The following SHANK2 variants were observed in gnomAD, a reference collection of about 807,000 sequenced individuals.
SHANK2 encodes SH3 and multiple ankyrin repeat domains 2.
A neutral mutation model predicts 133.7 loss-of-function variants in SHANK2; 43 were observed. The observed-to-expected ratio is 0.32, with a 90% CI of 0.25 to 0.41. The LOEUF is 0.41. Ranked by LOEUF, SHANK2 falls within the 10% of genes least tolerant of loss-of-function variation. SHANK2 has a pLI of 1.00. For missense variants in SHANK2, 1,994 were observed against 2,235.8 expected (o/e 0.89, Z 2.18); for synonymous variants, 1,017 against 952.8 (o/e 1.07, Z -1.24).
At chr11:70,700,275 A>G (rs537146509) in intron 14 of SHANK2, among the ~76,000 whole-genome samples, 168 of 152,206 alleles carry the variant, frequency 1.1e-3, no homozygotes, top group Non-Finnish European at 2.1e-3. Context: ...ACTCTGTACC[A>G]GGCCCTGCTA....
chr11:70,905,440 G>T (rs116713242), intron 10 of SHANK2, among the ~76,000 whole-genome samples: 2,011 of 152,224 alleles, frequency 0.013, 43 homozygotes, highest in African/African-American at 0.045. Flanking sequence ...TCTGAATGAC[G>T]AAATGACTCT....
chr11:70,583,763 C>A (rs1018051685), intron 17 of SHANK2, among the ~76,000 whole-genome samples: 1 of 152,212 alleles, frequency 6.6e-6, no homozygotes, highest in African/African-American at 2.4e-5. Flanking sequence ...CTTTTGTCCA[C>A]CCAGTGGCCA....
In SHANK2 at chr11:70,874,258, T is replaced by C. The variant is rs78052325; in HGVS notation, c.1174+22243A>G. ...CACCCATCCAGCTATCCCTCTAATCTAATCTAATCCAATCTAATCTAATCT... is the reference window on the plus strand; with the variant it reads ...CACCCATCCAGCTATCCCTCTAATCCAATCTAATCCAATCTAATCTAATCT... On this transcript the variant is annotated intron_variant, in intron 11 of 25. Coordinates refer to ENST00000601538, the MANE Select transcript of SHANK2 (RefSeq NM_012309.5). Among the ~76,000 whole-genome samples the C allele has an allele frequency of 3.9e-5, 6 of 152,078 alleles. No homozygotes were observed. The South Asian group carries it at 1.0e-3, about 26-fold the overall frequency.
intron 17 of SHANK2, among the ~76,000 whole-genome samples, chr11:70,523,533 T>C (rs782121732): frequency 5.3e-5 from 8 of 152,170 alleles, no homozygotes; most frequent in Non-Finnish European, 1.2e-4. Flanking sequence ...CCTGCTCTGC[T>C]GGGGAGGATC....
chr11:71,133,833 A>G (rs1952382438), intron 3 of SHANK2, among the ~76,000 whole-genome samples: 1 of 152,170 alleles, frequency 6.6e-6, no homozygotes, highest in Admixed American at 6.5e-5. Context: ...CTATAATCCC[A>G]GAAGAATTTC....
At chr11:70,570,270 G>C (rs1333668019) in intron 17 of SHANK2, among the ~76,000 whole-genome samples, 1 of 152,186 alleles carries the variant, frequency 6.6e-6, no homozygotes, top group Non-Finnish European at 1.5e-5. Flanking sequence ...GGTTTACAAG[G>C]GGCCCAGGTC....
intron 14 of SHANK2, among the ~76,000 whole-genome samples, chr11:70,735,008 A>T (rs1946372266): frequency 6.6e-6 from 1 of 152,160 alleles, no homozygotes; most frequent in South Asian, 2.1e-4. Flanking sequence ...GCTGTAGCAC[A>T]TCTGTGCTCT....
chr11:70,593,140 G>A (rs1016446071), intron 17 of SHANK2, among the ~76,000 whole-genome samples: 3 of 152,176 alleles, frequency 2.0e-5, no homozygotes, highest in African/African-American at 7.2e-5. Flanking sequence ...CAACATGAAC[G>A]CACACTGTCC....
chr11:70,927,302 G>T (rs1357940543), intron 10 of SHANK2, among the ~76,000 whole-genome samples: 1 of 152,006 alleles, frequency 6.6e-6, no homozygotes, highest in African/African-American at 2.4e-5. Flanking sequence ...TTCTGAACTC[G>T]ATCTCCAGAA....
chr11:71,071,858 A>G (rs1951147446), intron 9 of SHANK2, among the ~76,000 whole-genome samples: 1 of 152,146 alleles, frequency 6.6e-6, no homozygotes, highest in Admixed American at 6.5e-5. Context: ...TGGGATGGGA[A>G]GAGAATGCTG....
chr11:70,796,157 C>T lies in SHANK2; in HGVS notation c.1777+2286G>A, dbSNP rs116944561. On this transcript the variant is annotated intron_variant, in intron 14 of 25. Transcript: ENST00000601538. ...CTGCCCTGGGTGGGGACCCTGTCAACGGGGCTAGAGAAAGCCATACGTTCT... is the reference window on the plus strand; with the variant it reads ...CTGCCCTGGGTGGGGACCCTGTCAATGGGGCTAGAGAAAGCCATACGTTCT... Among the ~76,000 whole-genome samples the T allele has an allele frequency of 8.3e-4, 126 of 152,274 alleles. No individual in the cohort carries two copies. The Middle Eastern group carries it at 0.014, about 16-fold the overall frequency.
At chr11:71,167,660 G>A (rs1423412449) in intron 2 of SHANK2, among the ~76,000 whole-genome samples, 1 of 147,988 alleles carries the variant, frequency 6.8e-6, no homozygotes, top group East Asian at 2.1e-4. Flanking sequence ...CAGCTGGCCG[G>A]GCGGGGGGCT....
chr11:71,101,610 C>T (rs963596187), intron 6 of SHANK2, among the ~76,000 whole-genome samples: 4 of 152,174 alleles, frequency 2.6e-5, no homozygotes, highest in Admixed American at 6.5e-5. Context: ...CTCACATTCC[C>T]GGGTGCCGTT....
intron 2 of SHANK2, among the ~76,000 whole-genome samples, chr11:71,167,469 T>C: frequency 7.6e-6 from 1 of 131,066 alleles, no homozygotes; most frequent in African/African-American, 3.0e-5. Flanking sequence ...GAGGGGCTCC[T>C]CACTTCCCAG....
intron 17 of SHANK2, among the ~76,000 whole-genome samples, chr11:70,637,124 GGTGCCTGTGT>G (rs2061112962): frequency 6.6e-6 from 1 of 150,446 alleles, no homozygotes; most frequent in Non-Finnish European, 1.5e-5. Flanking sequence ...CACGTGTGTG[GGTGCCTGTGT>G]GTGCATGTGT....
intron 1 of SHANK2, among the ~76,000 whole-genome samples, chr11:71,244,721 G>A (rs965998156): frequency 2.6e-5 from 4 of 151,832 alleles, no homozygotes; most frequent in African/African-American, 9.7e-5. Context: ...TGTTGTTGTT[G>A]AGATGGACTG....
chr11:70,546,436 A>G (rs2136058352), intron 17 of SHANK2, among the ~76,000 whole-genome samples: 1 of 152,290 alleles, frequency 6.6e-6, no homozygotes, highest in South Asian at 2.1e-4. Context: ...AACATATAAA[A>G]GACAGGAAAT....
intron 9 of SHANK2, among the ~76,000 whole-genome samples, chr11:71,059,076 G>A (rs1205658588): frequency 6.6e-6 from 1 of 152,236 alleles, no homozygotes; most frequent in East Asian, 1.9e-4. Flanking sequence ...ACTTAGCTGG[G>A]TGCGGTGGCA....
intron 1 of SHANK2, among the ~76,000 whole-genome samples, chr11:71,250,889 C>T (rs1178508770): frequency 6.6e-6 from 1 of 152,224 alleles, no homozygotes; most frequent in Non-Finnish European, 1.5e-5. Context: ...CCGAAATTAC[C>T]TCTCTGGATC....
Sources: gnomAD v4.1 joint callset for allele counts (sites outside exome capture counted in the v4.1 genomes callset) on GRCh38, gnomAD v4.1.1 for gene constraint, MANE v1.5 for transcripts, NCBI Gene and HGNC (gene_info 2026-07-23, HGNC 2026-07-21) for gene names.